Variants in CPXM2 observed in about 807,000 individuals in gnomAD.
The protein encoded by CPXM2 is carboxypeptidase X, M14 family member 2.
A neutral mutation model predicts 86.1 loss-of-function variants in CPXM2; 66 were observed. That is an observed-to-expected ratio of 0.77 (90% CI 0.63 to 0.94). The LOEUF (loss-of-function observed/expected upper bound fraction) is 0.94, where lower values mean the gene tolerates loss of function less well. Ranked by LOEUF, CPXM2 falls within the 40% of genes least tolerant of loss-of-function variation. The pLI is 0.00. For missense variants in CPXM2, 948 were observed against 1,026.3 expected, an observed-to-expected ratio of 0.92 and a Z score of 1.04; for synonymous variants, 388 against 400.2, an observed-to-expected ratio of 0.97 and a Z score of 0.36.
chr10:123,851,092 A>G (rs1334727514), intron 3 of CPXM2, among the ~76,000 whole-genome samples: 3 of 152,128 alleles, frequency 2.0e-5, no homozygotes, highest in Non-Finnish European at 4.4e-5. Context: ...CTTGACGACT[A>G]ATGGTGGAAA....
chr10:123,830,761 G>A (rs942900599), intron 4 of CPXM2, among the ~76,000 whole-genome samples: 1 of 138,500 alleles, frequency 7.2e-6, no homozygotes, highest in Non-Finnish European at 1.5e-5. Flanking sequence ...TGCAGCTGCT[G>A]GGAATAATAT....
At chr10:123,791,468 A>C (rs568377507) in intron 6 of CPXM2, among the ~76,000 whole-genome samples, 1 of 152,258 alleles carries the variant, frequency 6.6e-6, no homozygotes, top group Admixed American at 6.5e-5. Context: ...TGGTCTCTCT[A>C]AAAGCTCTAG....
chr10:123,772,381 G>C (rs60125559), intron 7 of CPXM2, among the ~76,000 whole-genome samples: 8,233 of 152,052 alleles, frequency 0.054, 712 homozygotes, highest in African/African-American at 0.19. Flanking sequence ...TCACCTCCCT[G>C]GTTGTGATCA....
At chr10:123,927,360 T>C (rs1945632087) in intron 2 of CPXM2, among the ~76,000 whole-genome samples, 1 of 152,230 alleles carries the variant, frequency 6.6e-6, no homozygotes, top group South Asian at 2.1e-4. Flanking sequence ...CTCATTGTTG[T>C]TGAGTTGATG....
chr10:123,901,310 TG>T (rs1469689090), intron 2 of CPXM2, among the ~76,000 whole-genome samples: 2 of 152,220 alleles, frequency 1.3e-5, no homozygotes, highest in African/African-American at 4.8e-5. Context: ...TGGGCTTCAC[TG>T]ACTAGCTCCA....
At chr10:123,792,376 C>T (rs1300197005) in intron 6 of CPXM2, among the ~76,000 whole-genome samples, 1 of 152,192 alleles carries the variant, frequency 6.6e-6, no homozygotes, top group African/African-American at 2.4e-5. Context: ...CAAGAGCAGC[C>T]TCTTCTGCTT....
At chr10:123,804,072 T>A (rs543408802) in intron 4 of CPXM2, among the ~76,000 whole-genome samples, 1 of 152,178 alleles carries the variant, frequency 6.6e-6, no homozygotes, top group Non-Finnish European at 1.5e-5. Context: ...ACTGTATATA[T>A]GTAGGTATGT....
At chr10:123,829,447 A>G (rs370726777) in intron 4 of CPXM2, among the ~76,000 whole-genome samples, 2 of 151,776 alleles carry the variant, frequency 1.3e-5, no homozygotes, top group Non-Finnish European at 2.9e-5. Flanking sequence ...TATAGGCATG[A>G]GCCACTGCAC....
chr10:123,757,241 C>A lies in CPXM2; in HGVS notation c.1889G>T (p.Arg630Leu), dbSNP rs772474255. ...SQLPEEWENN[R>L]ESLIVFMEQV... ...CTCCATGAACACGATCAGAGATTCCCGGTTATTCTCCCACTCCTCGGGCAG... is the reference window on the plus strand; with the variant it reads ...CTCCATGAACACGATCAGAGATTCCAGGTTATTCTCCCACTCCTCGGGCAG... Residue 630 changes from arginine to leucine, a missense_variant, in exon 12 of 14, where the codon CGG becomes CTG. Coordinates refer to ENST00000241305, the MANE Select transcript of CPXM2 (RefSeq NM_198148.3). 4 of 1,614,072 alleles carry A rather than the reference C, an allele frequency of 2.5e-6. No individual in the cohort carries two copies. The South Asian group carries it at 4.4e-5, about 18-fold the overall frequency.
rs145200816 is a variant in CPXM2 at position 123,746,414 on chromosome 10, A to C, written c.*350T>G. ...GCACGTGGAACCCTTGCTGCCACGCAAACAGGGGAAGCACCAGAATCCTTT... is the reference window on the plus strand; with the variant it reads ...GCACGTGGAACCCTTGCTGCCACGCCAACAGGGGAAGCACCAGAATCCTTT... On this transcript the variant is annotated 3_prime_UTR_variant, in exon 14 of 14. Coordinates refer to ENST00000241305, the MANE Select transcript of CPXM2 (RefSeq NM_198148.3). The C allele has an allele frequency of 9.0e-5, 25 of 278,736 alleles. No individual in the cohort carries two copies. The highest frequency in any genetic ancestry group is 5.3e-4 in the African/African-American group (24 of 45,530). The allele number at this position is 278,736 out of a possible 1,614,324, so 17.3% of individuals were successfully genotyped here. A position where few individuals can be genotyped will look rare whatever the true frequency, so the allele number is the denominator to read the frequency against.
chr10:123,793,087 G>A (rs1229044136), intron 6 of CPXM2, among the ~76,000 whole-genome samples: 2 of 152,318 alleles, frequency 1.3e-5, no homozygotes, highest in Non-Finnish European at 2.9e-5. Context: ...CCCCTACAGC[G>A]AAGGTATTCC....
intron 2 of CPXM2, among the ~76,000 whole-genome samples, chr10:123,908,521 T>A (rs1354797028): frequency 6.6e-6 from 1 of 152,084 alleles, no homozygotes; most frequent in Non-Finnish European, 1.5e-5. Flanking sequence ...ATCTGCAGCC[T>A]AGTAGGGAGA....
intron 4 of CPXM2, among the ~76,000 whole-genome samples, chr10:123,801,445 C>T (rs1046217580): frequency 1.3e-5 from 2 of 152,134 alleles, no homozygotes; most frequent in Admixed American, 6.5e-5. Flanking sequence ...CAGAATAACA[C>T]ATTCCCCTAT....
chr10:123,884,740 G>GTCTCTCTT (rs1225113583), intron 1 of CPXM2, among the ~76,000 whole-genome samples: 2 of 151,944 alleles, frequency 1.3e-5, no homozygotes, highest in African/African-American at 4.8e-5. Context: ...TTCTCTCTCT[G>GTCTCTCTT]TCTCTCTTTC....
chr10:123,889,614 A>G (rs1945234611), intron 1 of CPXM2, among the ~76,000 whole-genome samples: 1 of 152,216 alleles, frequency 6.6e-6, no homozygotes, highest in African/African-American at 2.4e-5. Context: ...GCGGGCAGGC[A>G]CACTGGAAGC....
At chr10:123,917,437 G>A (rs951582176) in intron 2 of CPXM2, among the ~76,000 whole-genome samples, 2 of 152,184 alleles carry the variant, frequency 1.3e-5, no homozygotes. Context: ...AGAGCCTGCG[G>A]ACAGAACCTT....
rs994767496 is a variant in CPXM2, at chr10:123,746,800, C to T, written c.2235G>A (p.Leu745=). The change falls in exon 14 of 14, where the codon CTG becomes CTA. Residue 745 remains leucine, a synonymous_variant. Coordinates refer to ENST00000241305, the MANE Select transcript of CPXM2 (RefSeq NM_198148.3). The part of the protein sequence containing the change: ...KQPVSLPARR[L]KLRGQKRRQR... ...GTCGTCTCTTCTGCCCCCGCAGCTT[C>T]AGCCGCCTGGCTGGCAGGCTGACGG... 2.5e-6 allele frequency: 4 copies of T among 1,614,230 alleles called. No homozygotes were observed. Among genetic ancestry groups the T allele is most frequent in the Admixed American group, 1.7e-5 (1 of 60,032 alleles).
intron 3 of CPXM2, among the ~76,000 whole-genome samples, chr10:123,861,142 C>T (rs540230121): frequency 7.2e-5 from 11 of 152,186 alleles, no homozygotes; most frequent in African/African-American, 2.4e-4. Context: ...TTACACAGAC[C>T]GCTGGGGGAG....
Position 123,832,855 on chromosome 10 carries a change from G to A in CPXM2, c.653+9494C>T, listed in dbSNP as rs577659853. On this transcript the variant is annotated intron_variant, in intron 4 of 13. Transcript: ENST00000241305. ...AAAAAAAAGAAGTGGGTCTTTGGGG[G>A]TAGAGCAGAGCCCTCATGAATGGAT... is the stretch of plus-strand genomic sequence containing the variant. Among the ~76,000 whole-genome samples, 1,162 of 150,954 alleles carry A rather than the reference G, an allele frequency of 7.7e-3. 18 individuals carry two copies. The highest frequency in any genetic ancestry group is 0.027 in the African/African-American group (1,097 of 40,730).
Sources: gnomAD v4.1 joint callset for allele counts (sites outside exome capture counted in the v4.1 genomes callset) on GRCh38, gnomAD v4.1.1 for gene constraint, MANE v1.5 for transcripts, NCBI Gene and HGNC (gene_info 2026-07-23, HGNC 2026-07-21) for gene names.